Variants in NTRK3 observed in about 807,000 individuals in gnomAD.
NTRK3 encodes the protein NT-3 growth factor receptor.
Under a neutral mutation model 91.7 loss-of-function variants are expected in NTRK3, and 24 were observed. The ratio of observed to expected loss-of-function variants is 0.26; its 90% CI spans 0.19 to 0.37. The LOEUF (loss-of-function observed/expected upper bound fraction) is 0.37. Among genes scored for constraint, NTRK3 ranks in the 10% least tolerant of loss-of-function variants. The pLI is 1.00. For synonymous variants in NTRK3, 483 were observed against 404.0 expected (o/e 1.20, Z -2.34); for missense variants, 880 against 1,068.9 (o/e 0.82, Z 2.46).
At chr15:88,090,134 C>G (rs543446519) in intron 13 of NTRK3, among the ~76,000 whole-genome samples, 192 of 152,284 alleles carry the variant, frequency 1.3e-3, no homozygotes, top group African/African-American at 4.1e-3. Context: ...TTTCCCATCC[C>G]AAAGACCTCC....
At chr15:88,112,819 A>C (rs7168580) in intron 13 of NTRK3, among the ~76,000 whole-genome samples, 34,499 of 152,088 alleles carry the variant, frequency 0.23, 4,110 homozygotes, top group Middle Eastern at 0.25. Flanking sequence ...ACGGAGCCAC[A>C]TCAACCTGAG....
chr15:88,256,069 C>A, exon 3 of NTRK3: 1 of 1,613,276 alleles, frequency 6.2e-7, no homozygotes, highest in Non-Finnish European at 8.5e-7. Context: ...CAAGCCAGCA[C>A]GGAGCCCACA....
chr15:88,214,311 C>T (rs999440006), intron 3 of NTRK3, among the ~76,000 whole-genome samples: 14 of 152,070 alleles, frequency 9.2e-5, no homozygotes, highest in Admixed American at 9.2e-4. Flanking sequence ...TCCTAGTTTC[C>T]AGGGGTTACT....
At chr15:88,201,853 C>A (rs1004651571) in intron 3 of NTRK3, among the ~76,000 whole-genome samples, 9 of 152,162 alleles carry the variant, frequency 5.9e-5, no homozygotes, top group Non-Finnish European at 1.2e-4. Flanking sequence ...TCTTTTCACA[C>A]CCCTGGAATA....
At chr15:88,203,424 CTG>C (rs1430546699) in intron 3 of NTRK3, among the ~76,000 whole-genome samples, 1 of 152,140 alleles carries the variant, frequency 6.6e-6, no homozygotes, top group African/African-American at 2.4e-5. Context: ...TGAGCTTTTA[CTG>C]TGTGTCAGTC....
intron 13 of NTRK3, among the ~76,000 whole-genome samples, chr15:88,051,340 T>C (rs540208499): frequency 9.2e-5 from 14 of 152,326 alleles, no homozygotes; most frequent in African/African-American, 3.1e-4. Context: ...TTTCTTCCTG[T>C]AGATTCGTGC....
chr15:88,198,973 C>T (rs1021537091), intron 3 of NTRK3, among the ~76,000 whole-genome samples: 7 of 152,220 alleles, frequency 4.6e-5, no homozygotes, highest in African/African-American at 1.7e-4. Context: ...ACAAATTTCT[C>T]TGCTGTGCTG....
In NTRK3 at chr15:87,940,573, G is replaced by T. The variant is rs748663083; in HGVS notation, c.1716+50C>A. 1.9e-6 allele frequency: 3 copies of T among 1,612,186 alleles called. No homozygotes were observed. In the African/African-American group the frequency reaches 4.0e-5, roughly 21 times the overall value. ...GAGGGAGCCTCTTCCTTCCCTCCCT[G>T]GGCCCTCAGCCAGCCCTCCTCCTGG... On this transcript the variant is annotated intron_variant, in intron 15 of 18. Coordinates refer to ENST00000394480, the Ensembl canonical transcript of NTRK3.
At chr15:88,158,681 A>G (rs2044148451) in intron 5 of NTRK3, among the ~76,000 whole-genome samples, 1 of 152,126 alleles carries the variant, frequency 6.6e-6, no homozygotes, top group Admixed American at 6.5e-5. Context: ...AAATTAACCT[A>G]AGGCTAATTA....
intron 13 of NTRK3, among the ~76,000 whole-genome samples, chr15:88,121,070 G>A (rs776681388): frequency 4.0e-5 from 6 of 150,844 alleles, no homozygotes; most frequent in Non-Finnish European, 8.8e-5. Flanking sequence ...GTGGTCAAGA[G>A]GAAAAGAGGC....
rs944170123 is a variant in NTRK3 at position 88,127,326 on chromosome 15, C to T, written c.1229-100G>A. 9 of 932,882 alleles carry T rather than the reference C, an allele frequency of 9.6e-6. No individual in the cohort carries two copies. In the African/African-American group the frequency reaches 9.7e-5, roughly 10 times the overall value. 57.8% of individuals were successfully genotyped at this position (932,882 alleles called of 1,614,324 possible). ...ACTCCCAAGCTCCCTTGAGACTTCC[C>T]CCTGCAGAACATCCTCTGAAAGCCA... On this transcript the variant is annotated intron_variant, in intron 11 of 18. Coordinates refer to ENST00000394480, the Ensembl canonical transcript of NTRK3.
At chr15:88,093,546 C>G (rs2049250733) in intron 13 of NTRK3, among the ~76,000 whole-genome samples, 1 of 152,172 alleles carries the variant, frequency 6.6e-6, no homozygotes, top group African/African-American at 2.4e-5. Context: ...AAATGGCAGT[C>G]AGGATTTAAA....
At chr15:88,022,903 A>G (rs1347384286) in intron 14 of NTRK3, among the ~76,000 whole-genome samples, 1 of 152,254 alleles carries the variant, frequency 6.6e-6, no homozygotes, top group Non-Finnish European at 1.5e-5. Context: ...GGCACAGAGC[A>G]GATGAGGTCA....
At chr15:88,252,408 G>A (rs2053500293) in intron 3 of NTRK3, 1 of 152,174 alleles carries the variant, frequency 6.6e-6, no homozygotes, top group Admixed American at 6.5e-5. Context: ...GGACCAGAGA[G>A]CTGCCAAATG....
At chr15:88,101,963 T>C (rs1290971789) in intron 13 of NTRK3, among the ~76,000 whole-genome samples, 1 of 152,040 alleles carries the variant, frequency 6.6e-6, no homozygotes, top group Non-Finnish European at 1.5e-5. Context: ...CATGTATACA[T>C]ATGTAACAAA....
At chr15:87,931,810 C>T (rs773971357) in intron 16 of NTRK3, among the ~76,000 whole-genome samples, 2 of 152,204 alleles carry the variant, frequency 1.3e-5, no homozygotes, top group Non-Finnish European at 2.9e-5. Flanking sequence ...CCACGACACC[C>T]TATTGAATGT....
rs538313289 is a variant in NTRK3, at chr15:87,955,284, G to A, written c.1586-14531C>T. Among the ~76,000 whole-genome samples the A allele has an allele frequency of 7.9e-5, 12 of 152,314 alleles. No individual in the cohort carries two copies. The East Asian group carries it at 2.1e-3, about 27-fold the overall frequency. On this transcript the variant is annotated intron_variant, in intron 14 of 18. Transcript: ENST00000394480. ...CACCTACTCCACCTGCCCACCTGAA[G>A]CAGGAATTTGTCTGCAGAAGTTCTG...
At chr15:88,040,944 T>G (rs192077946) in intron 13 of NTRK3, among the ~76,000 whole-genome samples, 15 of 152,366 alleles carry the variant, frequency 9.8e-5, no homozygotes, top group Admixed American at 7.8e-4. Context: ...TAAGTCATTT[T>G]CAAAAATCAC....
At chr15:88,100,015 C>G (rs1377108484) in intron 13 of NTRK3, among the ~76,000 whole-genome samples, 1 of 152,098 alleles carries the variant, frequency 6.6e-6, no homozygotes, top group Non-Finnish European at 1.5e-5. Context: ...ACAGACAAAG[C>G]TTAAACTACA....
Sources: gnomAD v4.1 joint callset for allele counts (sites outside exome capture counted in the v4.1 genomes callset) on GRCh38, gnomAD v4.1.1 for gene constraint, MANE v1.5 for transcripts, NCBI Gene and HGNC (gene_info 2026-07-23, HGNC 2026-07-21) for gene names.